Variants in SGCZ observed in about 807,000 individuals in gnomAD.
SGCZ encodes sarcoglycan zeta, also known as zeta-sarcoglycan.
A neutral mutation model predicts 41.3 loss-of-function variants in SGCZ; 40 were observed. The ratio of observed to expected loss-of-function variants is 0.97; its 90% confidence interval spans 0.75 to 1.26. The LOEUF is 1.26. Ranked by LOEUF, SGCZ falls within the 50% of genes most tolerant of loss-of-function variation. The pLI, the probability that SGCZ is intolerant of heterozygous loss-of-function variation, is 0.00. For synonymous variants in SGCZ, 206 were observed against 137.5 expected (o/e 1.50, Z -3.49); for missense variants, 552 against 369.8 (o/e 1.49, Z -4.04).
intron 1 of SGCZ, among the ~76,000 whole-genome samples, chr8:14,836,506 GT>G: frequency 6.6e-6 from 1 of 152,090 alleles, no homozygotes; most frequent in Non-Finnish European, 1.5e-5. Flanking sequence ...TCACAATTGT[GT>G]TTTTGTTTTG....
intron 2 of SGCZ, among the ~76,000 whole-genome samples, chr8:14,351,409 C>A (rs957705800): frequency 1.3e-5 from 2 of 152,032 alleles, no homozygotes; most frequent in Non-Finnish European, 2.9e-5. Flanking sequence ...CTTGTCTTCA[C>A]CTTCTCTTAC....
intron 1 of SGCZ, among the ~76,000 whole-genome samples, chr8:14,715,592 A>C (rs984224101): frequency 4.6e-5 from 7 of 151,946 alleles, no homozygotes; most frequent in African/African-American, 1.7e-4. Flanking sequence ...GATTCTGTAG[A>C]AGACCATGGC....
chr8:14,687,608 G>C (rs1390688455), intron 1 of SGCZ, among the ~76,000 whole-genome samples: 1 of 151,754 alleles, frequency 6.6e-6, no homozygotes, highest in Non-Finnish European at 1.5e-5. Context: ...TGGACATTTG[G>C]CTTGGTTCCA....
intron 1 of SGCZ, among the ~76,000 whole-genome samples, chr8:15,229,222 T>C (rs1481147522): frequency 6.6e-6 from 1 of 152,106 alleles, no homozygotes; most frequent in Non-Finnish European, 1.5e-5. Context: ...TAGTTATAAG[T>C]TGTTCAGAAG....
chr8:14,388,359 G>C (rs1422812188), intron 2 of SGCZ, among the ~76,000 whole-genome samples: 1 of 151,870 alleles, frequency 6.6e-6, no homozygotes, highest in African/African-American at 2.4e-5. Context: ...AAGAGAATTG[G>C]TCAACAATGC....
At chr8:14,955,023 A>G (rs989011047) in intron 1 of SGCZ, among the ~76,000 whole-genome samples, 4 of 152,136 alleles carry the variant, frequency 2.6e-5, no homozygotes, top group African/African-American at 9.7e-5. Context: ...GCTTTATTTC[A>G]TATTGAATTA....
chr8:14,384,822 G>T (rs1804509069), intron 2 of SGCZ, among the ~76,000 whole-genome samples: 1 of 152,196 alleles, frequency 6.6e-6, no homozygotes, highest in African/African-American at 2.4e-5. Context: ...GAGTGCTAGG[G>T]TTACAAGCGT....
intron 1 of SGCZ, among the ~76,000 whole-genome samples, chr8:14,671,940 C>G (rs921293486): frequency 7.2e-5 from 11 of 151,968 alleles, no homozygotes; most frequent in Admixed American, 3.3e-4. Flanking sequence ...GCCATTTTGC[C>G]TTATTAATAT....
At chr8:14,172,405 A>G (rs2117002892) in intron 4 of SGCZ, among the ~76,000 whole-genome samples, 1 of 152,316 alleles carries the variant, frequency 6.6e-6, no homozygotes, top group Middle Eastern at 3.4e-3. Flanking sequence ...AATGAAAATT[A>G]CATTGCCTGG....
chr8:14,545,443 CAT>C (rs1803597324), intron 2 of SGCZ, among the ~76,000 whole-genome samples: 1 of 149,582 alleles, frequency 6.7e-6, no homozygotes, highest in Non-Finnish European at 1.5e-5. Flanking sequence ...ATAGCGAAAA[CAT>C]AAACCCTTCT....
At chr8:15,205,196 G>C (rs997144376) in intron 1 of SGCZ, among the ~76,000 whole-genome samples, 2 of 152,024 alleles carry the variant, frequency 1.3e-5, no homozygotes, top group Admixed American at 1.3e-4. Context: ...CATAGGAAGG[G>C]GCAAAGATTT....
intron 6 of SGCZ, among the ~76,000 whole-genome samples, chr8:14,103,566 A>C (rs992860454): frequency 1.3e-5 from 2 of 152,206 alleles, no homozygotes; most frequent in Non-Finnish European, 2.9e-5. Context: ...GCTCCCTCTC[A>C]GCAAGAAAGT....
chr8:15,133,309 T>C (rs945346685), intron 1 of SGCZ, among the ~76,000 whole-genome samples: 4 of 152,180 alleles, frequency 2.6e-5, no homozygotes, highest in Non-Finnish European at 5.9e-5. Flanking sequence ...ACACAAGTAT[T>C]AGCCACTTTG....
chr8:14,251,793 G>A (rs940553011), intron 3 of SGCZ, among the ~76,000 whole-genome samples: 1 of 151,878 alleles, frequency 6.6e-6, no homozygotes, highest in Non-Finnish European at 1.5e-5. Context: ...ATGTGGCCTG[G>A]GATACTTTGC....
chr8:14,309,905 G>A (rs930849880), intron 3 of SGCZ, among the ~76,000 whole-genome samples: 1 of 151,302 alleles, frequency 6.6e-6, no homozygotes, highest in African/African-American at 2.4e-5. Flanking sequence ...AGAATATACA[G>A]TACACATCCC....
At chr8:14,587,584 C>T (rs1805102039) in intron 1 of SGCZ, among the ~76,000 whole-genome samples, 1 of 152,184 alleles carries the variant, frequency 6.6e-6, no homozygotes, top group Non-Finnish European at 1.5e-5. Flanking sequence ...TGCTGTTTTG[C>T]TTAGCCACAC....
chr8:14,810,786 T>C (rs1468072590), intron 1 of SGCZ, among the ~76,000 whole-genome samples: 2 of 152,046 alleles, frequency 1.3e-5, no homozygotes, highest in African/African-American at 4.8e-5. Flanking sequence ...TTCAGGTTTG[T>C]TTATTTACTT....
intron 1 of SGCZ, among the ~76,000 whole-genome samples, chr8:14,854,645 G>T (rs1803477250): frequency 6.6e-6 from 1 of 152,132 alleles, no homozygotes; most frequent in Non-Finnish European, 1.5e-5. Context: ...CAGTAATATA[G>T]TTTGGTGTTA....
chr8:14,334,321 G>A (rs527581834), intron 2 of SGCZ, among the ~76,000 whole-genome samples: 1 of 152,036 alleles, frequency 6.6e-6, no homozygotes, highest in Admixed American at 6.5e-5. Context: ...CAGATATTGA[G>A]CCTATGACAC....
Sources: allele counts gnomAD v4.1 joint callset (sites outside exome capture counted in the v4.1 genomes callset), GRCh38; gene constraint gnomAD v4.1.1; transcripts MANE v1.5; gene names NCBI Gene and HGNC (gene_info 2026-07-23, HGNC 2026-07-21).